Variants in MCOLN2 observed in about 807,000 individuals in gnomAD.
MCOLN2 encodes mucolipin TRP cation channel 2, also known as mucolipin-2.
Under a neutral mutation model 67.5 loss-of-function variants are expected in MCOLN2, and 57 were observed. The ratio of observed to expected loss-of-function variants is 0.84; its 90% CI spans 0.68 to 1.05. MCOLN2 has a LOEUF of 1.05. MCOLN2 is among the 50% of genes least tolerant of loss of function. The pLI is 0.00. For missense variants in MCOLN2, 620 were observed against 678.8 expected (o/e 0.91, Z 0.96); for synonymous variants, 246 against 233.3 (o/e 1.05, Z -0.50).
At chr1:84,970,857 A>G (rs1649644884) in intron 1 of MCOLN2, among the ~76,000 whole-genome samples, 1 of 152,196 alleles carries the variant, frequency 6.6e-6, no homozygotes, top group African/African-American at 2.4e-5. Context: ...ATGCAGCCCA[A>G]TTGCTTCAAG....
At chr1:84,963,546 A>G (rs1257398260) in intron 2 of MCOLN2, among the ~76,000 whole-genome samples, 1 of 152,206 alleles carries the variant, frequency 6.6e-6, no homozygotes, top group Non-Finnish European at 1.5e-5. Flanking sequence ...GTCGAATTGT[A>G]ATCCCCAATG....
rs1339712566 is a variant in MCOLN2, at chr1:84,958,605, G to C, written c.335C>G (p.Thr112Arg). The C allele has an allele frequency of 6.2e-7, 1 of 1,611,474 alleles. No homozygotes were observed. ...KHLFLKGYSG[T>R]DEDDYSCSVY... ...ACTGCAGCTGTAGTCATCTTCATCT[G>C]TACCAGAATATCCTTTCAAAAACAA... The change falls in exon 3 of 14, where the codon ACA (threonine) becomes AGA (arginine). Residue 112 changes from threonine to arginine, a missense_variant. Transcript: ENST00000370608.
chr1:84,946,915 G>A, intron 7 of MCOLN2, 118 bp downstream of exon 7: 1 of 592,758 alleles, frequency 1.7e-6, no homozygotes, highest in Non-Finnish European at 3.0e-6. Flanking sequence ...AGGATCTAAT[G>A]CTCGAGGCGG....
rs1468823446 is a variant in MCOLN2, at chr1:84,940,966, C to G, written c.873G>C (p.Leu291=). 1 of 1,612,994 alleles carries G rather than the reference C, an allele frequency of 6.2e-7. No homozygotes were observed. Among genetic ancestry groups the G allele is most frequent in the East Asian group, 2.2e-5 (1 of 44,788 alleles). The change falls in exon 8 of 14, where the codon CTG becomes CTC. Residue 291 remains leucine, a synonymous_variant. Coordinates refer to ENST00000370608, the MANE Select transcript of MCOLN2 (RefSeq NM_153259.4). ...TCACAATGACAAATGCATCAAACAC[C>G]AGGACATACTGAGCATTTTTCTGAG... The part of the protein sequence containing the change: ...GSTQKNAQYV[L]VFDAFVIVIC...
In MCOLN2 at chr1:84,996,968, C is replaced by T. The variant is rs1651190184; in HGVS notation, c.-96G>A. On this transcript the variant is annotated 5_prime_UTR_variant, in exon 1 of 14. Coordinates refer to ENST00000370608, the MANE Select transcript of MCOLN2 (RefSeq NM_153259.4). ...TTCGCCCTCGCCGTAACGCGTCCGC[C>T]GAAGTTGGAGCCCTGCAAAGCGGGG... 9.6e-6 allele frequency: 11 copies of T among 1,148,802 alleles called. No homozygotes were observed. The highest frequency in any genetic ancestry group is 9.1e-6 in the Non-Finnish European group (7 of 771,942). 71.2% of individuals were successfully genotyped at this position (1,148,802 alleles called of 1,614,324 possible). A position where few individuals can be genotyped will look rare whatever the true frequency, so the allele number is the denominator to read the frequency against.
At chr1:84,988,598 C>T (rs1650731311) in intron 1 of MCOLN2, among the ~76,000 whole-genome samples, 1 of 152,164 alleles carries the variant, frequency 6.6e-6, no homozygotes, top group African/African-American at 2.4e-5. Context: ...TGGTCCCCAT[C>T]ACTGTCTATG....
intron 11 of MCOLN2, among the ~76,000 whole-genome samples, chr1:84,935,558 T>C (rs945079731): frequency 3.9e-5 from 6 of 152,200 alleles, no homozygotes; most frequent in African/African-American, 7.2e-5. Flanking sequence ...AAGACTAGTA[T>C]GGAGGAATGT....
At chr1:84,965,851 G>A (rs963710996) in intron 1 of MCOLN2, 143 bp from the exon 2 acceptor site, 1 of 656,640 alleles carries the variant, frequency 1.5e-6, no homozygotes, top group Admixed American at 3.5e-5. Flanking sequence ...AAATAAAAAA[G>A]CAACTCTAGT....
rs763330125 is a variant in MCOLN2, at chr1:84,937,994, A to C, written c.1199T>G (p.Phe400Cys). The C allele has an allele frequency of 6.2e-7, 1 of 1,613,690 alleles. No individual in the cohort carries two copies. The highest frequency in any genetic ancestry group is 1.7e-5 in the Admixed American group (1 of 60,016). Residue 400 changes from phenylalanine to cysteine, a missense_variant, in exon 10 of 14, where the codon TTC becomes TGC. By Grantham distance (205) the Phe-to-Cys change is radical (BLOSUM62 -2). Coordinates refer to ENST00000370608, the MANE Select transcript of MCOLN2 (RefSeq NM_153259.4). ...WVGVIRYLGY[F>C]QAYNVLILTM... ...CCGCATCCTTACATTATATGCCTGG[A>C]AATAACCCAGGTATCTGATGACTCC...
chr1:84,943,821 C>T lies in MCOLN2; in HGVS notation c.848-2830G>A, dbSNP rs545652067. 2.1e-4 allele frequency among the ~76,000 whole-genome samples: 32 copies of T among 152,306 alleles called. 1 individual carries two copies. In the South Asian group the frequency reaches 6.4e-3, roughly 31 times the overall value. On this transcript the variant is annotated intron_variant, in intron 7 of 13. Coordinates refer to ENST00000370608, the MANE Select transcript of MCOLN2 (RefSeq NM_153259.4). ...CAGGTGGAACAGTCTGTGTGAAGTG[C>T]TTGTTACAGTAGTGCCCAGTGCCTA... is the stretch of plus-strand genomic sequence containing the variant.
At chr1:84,980,486 C>A (rs952342709) in intron 1 of MCOLN2, among the ~76,000 whole-genome samples, 1 of 152,028 alleles carries the variant, frequency 6.6e-6, no homozygotes, top group African/African-American at 2.4e-5. Context: ...ATACACAGAC[C>A]AATGGAATGG....
At chr1:84,976,971 G>A (rs1299584096) in intron 1 of MCOLN2, among the ~76,000 whole-genome samples, 1 of 152,084 alleles carries the variant, frequency 6.6e-6, no homozygotes, top group African/African-American at 2.4e-5. Context: ...ACTTCCTTGT[G>A]TAAACTACTC....
intron 8 of MCOLN2, 40 bp downstream of exon 8, chr1:84,940,839 A>G (rs1461150683): frequency 3.5e-6 from 5 of 1,426,398 alleles, no homozygotes; most frequent in African/African-American, 1.4e-5. Context: ...CTGAGGGCGC[A>G]GGCCAAGAGG....
chr1:84,933,554 G>A (rs569885318), intron 11 of MCOLN2, among the ~76,000 whole-genome samples: 188 of 152,312 alleles, frequency 1.2e-3, no homozygotes, highest in African/African-American at 4.4e-3. Flanking sequence ...CGCTACACAA[G>A]CCTTAAAACA....
chr1:84,946,269 G>C (rs1648099100), intron 7 of MCOLN2, among the ~76,000 whole-genome samples: 1 of 151,860 alleles, frequency 6.6e-6, no homozygotes, highest in Admixed American at 6.6e-5. Flanking sequence ...CATACTTTTT[G>C]TATGTATACC....
At chr1:84,935,051 T>C (rs915065881) in intron 11 of MCOLN2, among the ~76,000 whole-genome samples, 1 of 152,222 alleles carries the variant, frequency 6.6e-6, no homozygotes, top group Non-Finnish European at 1.5e-5. Context: ...CCCACAAAAA[T>C]GCCCGCTTGG....
chr1:84,975,782 A>T (rs549831499), intron 1 of MCOLN2, among the ~76,000 whole-genome samples: 2 of 152,298 alleles, frequency 1.3e-5, no homozygotes, highest in South Asian at 4.1e-4. Context: ...AAGAAATTCA[A>T]GATAAGACAG....
At chr1:84,991,535 T>C (rs979360802) in intron 1 of MCOLN2, among the ~76,000 whole-genome samples, 1 of 152,272 alleles carries the variant, frequency 6.6e-6, no homozygotes, top group Admixed American at 6.5e-5. Flanking sequence ...AAAACTTTGG[T>C]TCCCTTCTCA....
intron 1 of MCOLN2, among the ~76,000 whole-genome samples, chr1:84,987,541 CATAG>C (rs1650637314): frequency 5.4e-5 from 1 of 18,494 alleles, no homozygotes; most frequent in South Asian, 1.8e-3. Flanking sequence ...TCTATGTATA[CATAG>C]ATGTATACAT....
Sources: gnomAD v4.1 joint callset for allele counts (sites outside exome capture counted in the v4.1 genomes callset) on GRCh38, gnomAD v4.1.1 for gene constraint, MANE v1.5 for transcripts, NCBI Gene and HGNC (gene_info 2026-07-23, HGNC 2026-07-21) for gene names.